The following TMX4 variants were observed in gnomAD, a reference collection of about 807,000 sequenced individuals.
TMX4 encodes the protein thioredoxin-related transmembrane protein 4.
Under a neutral mutation model 33.3 loss-of-function variants are expected in TMX4, and 23 were observed. That is an observed-to-expected ratio of 0.69 (90% CI 0.50 to 0.98). The LOEUF (loss-of-function observed/expected upper bound fraction) is 0.98. Ranked by LOEUF, TMX4 falls within the 50% of genes least tolerant of loss-of-function variation. The probability of loss-of-function intolerance (pLI) is 0.00; values close to 1 mark genes in which losing one functional copy is unlikely to be tolerated. For missense variants in TMX4, 399 were observed against 448.9 expected (o/e 0.89, Z 1.01); for synonymous variants, 164 against 161.5 (o/e 1.02, Z -0.12).
intron 5 of TMX4, among the ~76,000 whole-genome samples, chr20:7,995,176 A>G (rs2050670811): frequency 1.3e-5 from 2 of 152,196 alleles, no homozygotes; most frequent in Admixed American, 6.6e-5. Flanking sequence ...GAGTCTTCAC[A>G]AACTCTTTGA....
intron 2 of TMX4, among the ~76,000 whole-genome samples, chr20:8,007,409 C>A (rs77398877): frequency 0.015 from 2,322 of 152,284 alleles, 24 homozygotes; most frequent in South Asian, 0.021. Context: ...TGATTTACCT[C>A]CTAACCATTC....
chr20:8,004,025 T>C (rs1442706993), intron 2 of TMX4, among the ~76,000 whole-genome samples: 1 of 151,374 alleles, frequency 6.6e-6, no homozygotes, highest in African/African-American at 2.4e-5. Context: ...ATATATTCAG[T>C]AAAATCAACA....
Position 7,981,050 on chromosome 20 carries a change from T to C in TMX4, c.*1201A>G, listed in dbSNP as rs1316962300. On this transcript the variant is annotated 3_prime_UTR_variant, in exon 8 of 8. Transcript: ENST00000246024. The stretch of plus-strand genomic sequence containing the variant: ...ATCAGGTAAGAGAGAAGTAGATGGA[T>C]AGATTTTTTTTTTTTAAGGAAATTA... The C allele has an allele frequency of 1.4e-5, 2 of 144,326 alleles. No homozygotes were observed. The allele number at this position is 144,326 out of a possible 1,614,324, so 8.9% of individuals were successfully genotyped here.
In TMX4 at chr20:7,991,653, T is replaced by TA. The variant is rs1278775582; in HGVS notation, c.514-4265dup. Among the ~76,000 whole-genome samples the TA allele has an allele frequency of 2.6e-5, 4 of 152,218 alleles. No homozygotes were observed. In the East Asian group the frequency reaches 7.7e-4, roughly 29 times the overall value. ...TTTTAAGCCTGCTATCAGCATTGGC[T>TA]AAAAAAATTAACAAAAGTTAAAGTA... On this transcript the variant is annotated intron_variant, in intron 5 of 7. Coordinates refer to ENST00000246024, the MANE Select transcript of TMX4 (RefSeq NM_021156.4).
At chr20:8,008,996 AGT>A (rs1334273002) in intron 2 of TMX4, among the ~76,000 whole-genome samples, 1 of 152,158 alleles carries the variant, frequency 6.6e-6, no homozygotes, top group Non-Finnish European at 1.5e-5. Flanking sequence ...TCATTATTTA[AGT>A]GTTTTTTGAA....
At chr20:8,018,506 G>A (rs2050792582) in intron 1 of TMX4, among the ~76,000 whole-genome samples, 1 of 53,690 alleles carries the variant, frequency 1.9e-5, no homozygotes, top group Non-Finnish European at 3.0e-5. Flanking sequence ...GAGAGAGAGA[G>A]AGAGAGAGAG....
intron 5 of TMX4, among the ~76,000 whole-genome samples, chr20:7,992,811 A>C (rs1194648447): frequency 6.6e-6 from 1 of 152,202 alleles, no homozygotes; most frequent in Non-Finnish European, 1.5e-5. Context: ...GATCTTCTAG[A>C]TATATCTCTG....
intron 1 of TMX4, chr20:8,018,975 G>A (rs1183366992): frequency 2.3e-6 from 1 of 442,092 alleles, no homozygotes; most frequent in South Asian, 1.6e-5. Flanking sequence ...CTTAGCCTGT[G>A]CTACGTATTC....
At position 7,978,884 on chromosome 20, in the gene TMX4, A is replaced by C. The variant is rs1465156435; in HGVS notation, c.*3367T>G. The stretch of plus-strand genomic sequence containing the variant: ...TAATAAGAGAAACCAACATAAAGGT[A>C]ATCAGAAGTTTCAAACTTTCCTTCT... On this transcript the variant is annotated 3_prime_UTR_variant, in exon 8 of 8. Transcript: ENST00000246024. The C allele has an allele frequency of 6.6e-6, 1 of 152,208 alleles. No homozygotes were observed. Among genetic ancestry groups the C allele is most frequent in the African/African-American group, 2.4e-5 (1 of 41,450 alleles). The allele number at this position is 152,208 out of a possible 1,614,324, so 9.4% of individuals were successfully genotyped here.
chr20:7,999,669 C>A, intron 4 of TMX4, 63 bp downstream of exon 4: 1 of 1,546,174 alleles, frequency 6.5e-7, no homozygotes, highest in Non-Finnish European at 8.7e-7. Flanking sequence ...TTGAGACCCA[C>A]AGGCTATTAA....
intron 4 of TMX4, among the ~76,000 whole-genome samples, chr20:7,997,517 A>AC (rs2050681606): frequency 6.6e-6 from 1 of 152,124 alleles, no homozygotes; most frequent in Admixed American, 6.5e-5. Context: ...TAAAAAAAAA[A>AC]AAACAACTTT....
Position 8,002,405 on chromosome 20 carries a change from A to T in TMX4, c.293-864T>A, listed in dbSNP as rs565014445. Among the ~76,000 whole-genome samples the T allele has an allele frequency of 4.5e-4, 69 of 152,278 alleles. 1 individual carries two copies. The highest frequency in any genetic ancestry group is 1.3e-3 in the African/African-American group (56 of 41,562). ...CCACAAACAGAGAATGAAAATATTT[A>T]AAAAAAGGGTAGGTATGCAAAAAAA... On this transcript the variant is annotated intron_variant, in intron 2 of 7. Transcript: ENST00000246024.
intron 1 of TMX4, among the ~76,000 whole-genome samples, chr20:8,016,316 G>C (rs1218087791): frequency 6.6e-6 from 1 of 152,128 alleles, no homozygotes; most frequent in Non-Finnish European, 1.5e-5. Context: ...AGGGTACACT[G>C]AGCTGAAATC....
intron 1 of TMX4, 135 bp downstream of exon 1, chr20:8,019,303 G>A (rs2050800241): frequency 1.8e-6 from 2 of 1,104,564 alleles, no homozygotes; most frequent in Non-Finnish European, 2.5e-6. Context: ...CGGCGCCGCA[G>A]GTTGTTGGCA....
chr20:7,999,825 G>A lies in TMX4; in HGVS notation c.374C>T (p.Pro125Leu). 3 of 1,613,482 alleles carry A rather than the reference G, an allele frequency of 1.9e-6. No individual in the cohort carries two copies. Among genetic ancestry groups the A allele is most frequent in the Non-Finnish European group, 2.5e-6 (3 of 1,179,750 alleles). The part of the protein sequence containing the change: ...KDGIFRRYRG[P>L]GIFEDLQNYI... ...ATTCTGCAGGTCTTCGAAGATTCCT[G>A]GGCCACGATAACGGCGGAATATCCC... The change falls in exon 4 of 8, where the codon CCA (proline) becomes CTA (leucine). Residue 125 changes from proline to leucine, a missense_variant. Physicochemically the swap from Pro to Leu is moderately conservative, Grantham distance 98 (BLOSUM62 -3). Transcript: ENST00000246024.
At position 7,982,452 on chromosome 20, in the gene TMX4, GTCC is replaced by G. The variant is rs770474353; in HGVS notation, c.846_848del (p.Glu282del). 6.8e-6 allele frequency: 11 copies of G among 1,613,934 alleles called. No individual in the cohort carries two copies. Among genetic ancestry groups the G allele is most frequent in the Middle Eastern group, 1.6e-4 (1 of 6,082 alleles). On this transcript the variant is annotated inframe_deletion, in exon 8 of 8. Transcript: ENST00000246024. The stretch of plus-strand genomic sequence containing the variant: ...CCTCATCCACACCAGCAGCCAAGTT[GTCC>G]TCCTCCTCTTCTTCCTCTGCTTCAT...
chr20:8,012,140 A>C (rs982193756), intron 1 of TMX4, among the ~76,000 whole-genome samples: 1 of 152,148 alleles, frequency 6.6e-6, no homozygotes, highest in African/African-American at 2.4e-5. Context: ...AGTACATTTC[A>C]ACAAGCGTTC....
chr20:7,995,729 A>G (rs1025858198), intron 5 of TMX4, among the ~76,000 whole-genome samples: 1 of 152,052 alleles, frequency 6.6e-6, no homozygotes, highest in South Asian at 2.1e-4. Flanking sequence ...ATATGCCTAC[A>G]AAGAAATACA....
At chr20:7,999,589 G>T in intron 4 of TMX4, 143 bp downstream of exon 4, 1 of 906,908 alleles carries the variant, frequency 1.1e-6, no homozygotes, top group South Asian at 2.1e-5. Context: ...CAGAAATACT[G>T]CATGGGCTAA....
Sources: allele counts gnomAD v4.1 joint callset (sites outside exome capture counted in the v4.1 genomes callset), GRCh38; gene constraint gnomAD v4.1.1; transcripts MANE v1.5; gene names NCBI Gene and HGNC (gene_info 2026-07-23, HGNC 2026-07-21).